CFAP92: variants seen among roughly 807,000 people sequenced by gnomAD.
The protein encoded by CFAP92 is uncharacterized protein CFAP92.
In CFAP92, 86 loss-of-function variants were observed where a neutral mutation model predicts 106.3. The observed-to-expected ratio is 0.81, with a 90% confidence interval of 0.68 to 0.97. CFAP92 has a LOEUF of 0.97. Among genes scored for constraint, CFAP92 ranks in the 50% least tolerant of loss-of-function variants. The probability of loss-of-function intolerance (pLI) is 0.00; values close to 1 mark genes in which losing one functional copy is unlikely to be tolerated. For missense variants in CFAP92, 1,204 were observed against 1,283.8 expected (o/e 0.94, Z 0.95); for synonymous variants, 477 against 506.4 (o/e 0.94, Z 0.78).
At chr3:128,986,190 A>G (rs1322354109) in intron 4 of CFAP92, among the ~76,000 whole-genome samples, 2 of 152,174 alleles carry the variant, frequency 1.3e-5, no homozygotes, top group African/African-American at 4.8e-5. Flanking sequence ...AGGTGCTGAC[A>G]ACGATAATAG....
intron 4 of CFAP92, among the ~76,000 whole-genome samples, chr3:128,980,061 A>AAATACTTCATT (rs1488655938): frequency 6.6e-6 from 1 of 151,198 alleles, no homozygotes; most frequent in East Asian, 1.9e-4. Flanking sequence ...AAAGAGAAAA[A>AAATACTTCATT]AATACTTCAT....
At chr3:128,918,866 T>C (rs1937035777) in intron 12 of CFAP92, among the ~76,000 whole-genome samples, 1 of 151,470 alleles carries the variant, frequency 6.6e-6, no homozygotes, top group African/African-American at 2.4e-5. Context: ...GGTTTAAAAG[T>C]AGATTAGGTG....
chr3:129,003,839 G>C (rs886504191), upstream of CFAP92: 1 of 1,462,056 alleles, frequency 6.8e-7, no homozygotes. Context: ...GATGGGGCAC[G>C]GCGGGCCGGA....
At chr3:128,912,964 A>C in intron 15 of CFAP92, 1 of 485,668 alleles carries the variant, frequency 2.1e-6, no homozygotes, top group South Asian at 1.5e-5. Context: ...TCAGGTGTGG[A>C]TAGCCATTTC....
rs1363210393 is a variant in CFAP92 at position 128,971,077 on chromosome 3, C to T, written c.1168+210G>A. On this transcript the variant is annotated intron_variant, in intron 8 of 15. Coordinates refer to ENST00000645291, the MANE Select transcript of CFAP92 (RefSeq NM_001394090.1). Reference sequence around the variant, plus strand: ...GGTTCAAGTCCAGGCTTCACATTTCCTAGCTGTGTGATCTCAGGCAAGGTA... The same window carrying T: ...GGTTCAAGTCCAGGCTTCACATTTCTTAGCTGTGTGATCTCAGGCAAGGTA... The T allele has an allele frequency of 2.5e-5, 16 of 650,786 alleles. No homozygotes were observed. The Admixed American group carries it at 4.3e-4, about 18-fold the overall frequency. The allele number at this position is 650,786 out of a possible 1,614,324, so 40.3% of individuals were successfully genotyped here.
upstream of CFAP92, among the ~76,000 whole-genome samples, chr3:129,005,453 G>A (rs1007120991): frequency 8.5e-5 from 13 of 152,240 alleles, no homozygotes; most frequent in Non-Finnish European, 1.6e-4. Flanking sequence ...GGGCCTGGAA[G>A]GTGGCAGCAA....
At chr3:128,960,735 C>T (rs1412855345) in intron 9 of CFAP92, among the ~76,000 whole-genome samples, 2 of 152,002 alleles carry the variant, frequency 1.3e-5, no homozygotes, top group African/African-American at 2.4e-5. Context: ...GGCAAGTACC[C>T]GTGAACCCCT....
chr3:128,961,101 A>G (rs2107759216), intron 9 of CFAP92, among the ~76,000 whole-genome samples: 1 of 152,270 alleles, frequency 6.6e-6, no homozygotes, highest in African/African-American at 2.4e-5. Flanking sequence ...TTCTTCTGCA[A>G]TGCCGCTTGA....
upstream of CFAP92, chr3:129,004,115 A>C (rs73210697): frequency 6.9e-7 from 1 of 1,451,774 alleles, no homozygotes; most frequent in Non-Finnish European, 9.0e-7. Context: ...AAGTTCCCCA[A>C]TTCGGCTCCC....
chr3:128,977,988 C>T (rs749820304), intron 5 of CFAP92, 57 bp downstream of exon 5: 252 of 1,606,476 alleles, frequency 1.6e-4, no homozygotes, highest in Non-Finnish European at 1.9e-4. Context: ...ACCACACAAC[C>T]GCTTTCCCTG....
intron 12 of CFAP92, among the ~76,000 whole-genome samples, chr3:128,920,228 ACC>A (rs1937155529): frequency 6.6e-6 from 1 of 152,142 alleles, no homozygotes; most frequent in South Asian, 2.1e-4. Context: ...ACATGGTGAA[ACC>A]CTGTTTCTAC....
At chr3:128,962,222 A>G (rs576832224) in intron 9 of CFAP92, among the ~76,000 whole-genome samples, 23 of 152,162 alleles carry the variant, frequency 1.5e-4, no homozygotes, top group Admixed American at 1.4e-3. Context: ...ACGGACGCCG[A>G]GCTTCCGGTA....
intron 9 of CFAP92, among the ~76,000 whole-genome samples, chr3:128,956,215 T>TAAAAAAAAAAAAAAAAAAAAAAAAAAAAA: frequency 1.5e-5 from 1 of 68,740 alleles, no homozygotes; most frequent in African/African-American, 6.2e-5. Flanking sequence ...AATAAAAAAA[T>TAAAAAAAAAAAAAAAAAAAAAAAAAAAAA]AAAAAAAAAA....
intron 4 of CFAP92, 53 bp downstream of exon 4, chr3:128,987,563 A>C: frequency 6.8e-7 from 1 of 1,477,682 alleles, no homozygotes; most frequent in African/African-American, 1.4e-5. Flanking sequence ...TTATGCTGTT[A>C]CTAGTGAGTA....
Position 128,978,144 on chromosome 3 carries a change from G to A in CFAP92, c.709C>T (p.Gln237Ter). 6.2e-7 allele frequency: 1 copy of A among 1,613,762 alleles called. No individual in the cohort carries two copies. Among genetic ancestry groups the A allele is most frequent in the Non-Finnish European group, 8.5e-7 (1 of 1,179,746 alleles). ...LVLNQRKLSEQGIENTNIVRE... is the reference protein window; with the variant it reads ...LVLNQRKLSE ...ACAATGTTGGTATTCTCAATGCCCT[G>A]TTCAGATAATTTTCTCTGATTTAAA... Residue 237 changes from glutamine (Q) to a stop codon, truncating the protein, a stop_gained, in exon 5 of 16, where the codon CAG becomes TAG. Transcript: ENST00000645291. LOFTEE classifies it high-confidence loss of function.
rs1451661070 is a variant in CFAP92 at position 128,945,532 on chromosome 3, G to C, written c.1797C>G (p.Asp599Glu). 2.0e-6 allele frequency: 3 copies of C among 1,536,168 alleles called. No homozygotes were observed. Among genetic ancestry groups the C allele is most frequent in the East Asian group, 2.4e-5 (1 of 40,916 alleles). The change falls in exon 10 of 16, where the codon GAC becomes GAG. Residue 599 changes from aspartate to glutamate, a missense_variant. Coordinates refer to ENST00000645291, the MANE Select transcript of CFAP92 (RefSeq NM_001394090.1). ...GCCCCACAACCTTCCTTCTCCTGCTGTCCTGGCCGCAGTGTGTGGGCTGAA... is the reference window on the plus strand; with the variant it reads ...GCCCCACAACCTTCCTTCTCCTGCTCTCCTGGCCGCAGTGTGTGGGCTGAA... ...CEVQPTHCGQ[D>E]SRRRKVVGLG...
intron 7 of CFAP92, among the ~76,000 whole-genome samples, chr3:128,973,746 C>T (rs959117305): frequency 1.3e-5 from 2 of 152,030 alleles, no homozygotes; most frequent in African/African-American, 4.8e-5. Flanking sequence ...GCCTGTGTCC[C>T]AGGGGTCCCA....
intron 15 of CFAP92, chr3:128,912,782 G>A: frequency 1.3e-6 from 1 of 744,428 alleles, no homozygotes; most frequent in South Asian, 1.4e-5. Context: ...GTTTTGACCT[G>A]CAGGCAGTGC....
intron 10 of CFAP92, among the ~76,000 whole-genome samples, chr3:128,943,932 T>TTG (rs1939938353): frequency 2.0e-5 from 3 of 148,948 alleles, no homozygotes; most frequent in Non-Finnish European, 4.5e-5. Context: ...TTTTTTTTTT[T>TTG]TTTTTTTTTT....
Sources: allele counts gnomAD v4.1 joint callset (sites outside exome capture counted in the v4.1 genomes callset), GRCh38; gene constraint gnomAD v4.1.1; transcripts MANE v1.5; gene names NCBI Gene and HGNC (gene_info 2026-07-23, HGNC 2026-07-21).